The following CADM2 variants were observed in gnomAD, a reference collection of about 807,000 sequenced individuals.
CADM2 encodes the protein immunoglobulin superfamily member 4D.
CADM2 carries 12 observed loss-of-function variants against 49.8 expected under a neutral mutation model. That is an observed-to-expected ratio of 0.24 (90% CI 0.15 to 0.39). CADM2 has a LOEUF of 0.39. Ranked by LOEUF, CADM2 falls within the 10% of genes least tolerant of loss-of-function variation. CADM2 has a pLI of 1.00. For synonymous variants in CADM2, 214 were observed against 175.4 expected, an observed-to-expected ratio of 1.22 and a Z score of -1.74; for missense variants, 378 against 492.3, an observed-to-expected ratio of 0.77 and a Z score of 2.20.
intron 1 of CADM2, among the ~76,000 whole-genome samples, chr3:85,720,390 A>G (rs543267996): frequency 3.9e-5 from 6 of 152,304 alleles, no homozygotes; most frequent in Admixed American, 3.9e-4. Context: ...TTGCCTAAAT[A>G]TGAGTATTTG....
rs534621926 is a variant in CADM2 at position 85,797,091 on chromosome 3, TA to T, written c.89-4943del. Among the ~76,000 whole-genome samples the T allele has an allele frequency of 2.4e-3, 299 of 127,064 alleles. 3 individuals carry two copies. The highest frequency in any genetic ancestry group is 2.6e-3 in the Admixed American group (32 of 12,496). The allele number at this position is 127,064 out of a possible 152,430, so 83.4% of individuals were successfully genotyped here. On this transcript the variant is annotated intron_variant, in intron 2 of 9. Transcript: ENST00000383699. ...CCTGGCAAGAGAGCAAGAATCCATT[TA>T]AAAAAAAAAAAAGAAAAAGAAAAAA...
chr3:85,618,202 A>C (rs1253853848), intron 1 of CADM2, among the ~76,000 whole-genome samples: 2 of 152,190 alleles, frequency 1.3e-5, no homozygotes. Flanking sequence ...AACATTTCTT[A>C]CAGCCTCAAA....
chr3:85,835,314 CTTT>C (rs60077347), intron 3 of CADM2, among the ~76,000 whole-genome samples: 88 of 132,650 alleles, frequency 6.6e-4, no homozygotes, highest in African/African-American at 2.2e-3. Context: ...GTTTTAGCTT[CTTT>C]TTTTTTTTTT....
rs139768808 is a variant in CADM2 at position 85,699,105 on chromosome 3, T to TTAATCTCCAAAA, written c.62-27408_62-27397dup. 9.1e-4 allele frequency among the ~76,000 whole-genome samples: 138 copies of TTAATCTCCAAAA among 152,176 alleles called. No individual in the cohort carries two copies. The East Asian group carries it at 0.026, about 28-fold the overall frequency. On this transcript the variant is annotated intron_variant, in intron 1 of 9. Coordinates refer to ENST00000383699, the MANE Select transcript of CADM2 (RefSeq NM_001167675.2). ...AGCCTGGGAGGACAGTGATTAAACTTTAATCTCCAAAATAATCTCCTTTGA... is the reference window on the plus strand; with the variant it reads ...AGCCTGGGAGGACAGTGATTAAACTTTAATCTCCAAAATAATCTCCAAAATAATCTCCTTTGA...
At chr3:85,162,821 A>G (rs2040366722) in intron 1 of CADM2, among the ~76,000 whole-genome samples, 2 of 152,044 alleles carry the variant, frequency 1.3e-5, no homozygotes, top group South Asian at 4.1e-4. Context: ...TCTTATATAA[A>G]CCCTATGTTT....
At chr3:85,872,501 A>G (rs893648562) in intron 3 of CADM2, among the ~76,000 whole-genome samples, 2 of 151,600 alleles carry the variant, frequency 1.3e-5, no homozygotes, top group Non-Finnish European at 2.9e-5. Context: ...AGCCTTTATT[A>G]TACTCATTTA....
At chr3:85,952,609 ATTG>A (rs1211135119) in intron 7 of CADM2, among the ~76,000 whole-genome samples, 1 of 150,718 alleles carries the variant, frequency 6.6e-6, no homozygotes, top group Non-Finnish European at 1.5e-5. Context: ...TAGTCTTTAA[ATTG>A]TTGTTTTTCT....
At position 86,029,541 on chromosome 3, in the gene CADM2, AT is replaced by A. The variant is rs199974026; in HGVS notation, c.971-36055del. On this transcript the variant is annotated intron_variant, in intron 8 of 9. Transcript: ENST00000383699. ...ACTCCATATTTAAACAGTGATTTGC[AT>A]TTTTTTTTCTGAGTATTTTCGTGTC... Among the ~76,000 whole-genome samples, 1,043 of 151,020 alleles carry A rather than the reference AT, an allele frequency of 6.9e-3. 5 individuals are homozygous for A. Among genetic ancestry groups the A allele is most frequent in the Non-Finnish European group, 8.4e-3 (566 of 67,650 alleles).
intron 8 of CADM2, among the ~76,000 whole-genome samples, chr3:85,986,142 AG>A (rs1728083268): frequency 6.6e-6 from 1 of 152,078 alleles, no homozygotes; most frequent in Non-Finnish European, 1.5e-5. Context: ...TTATATCAAA[AG>A]AAATCAAGTC....
intron 3 of CADM2, among the ~76,000 whole-genome samples, chr3:85,861,930 A>C (rs969793568): frequency 6.6e-6 from 1 of 152,098 alleles, no homozygotes; most frequent in African/African-American, 2.4e-5. Flanking sequence ...ATTACCAAAA[A>C]CATGTATTCA....
intron 1 of CADM2, among the ~76,000 whole-genome samples, chr3:85,470,612 T>C (rs1412993542): frequency 6.6e-6 from 1 of 152,128 alleles, no homozygotes; most frequent in Admixed American, 6.6e-5. Context: ...TAAAATAAAA[T>C]TCTAGCAATT....
rs1320463969 is a variant in CADM2 at position 85,232,836 on chromosome 3, GT to G, written c.61+273169del. 2.0e-5 allele frequency among the ~76,000 whole-genome samples: 3 copies of G among 152,142 alleles called. No homozygotes were observed. The East Asian group carries it at 5.8e-4, about 29-fold the overall frequency. ...AGTCACTTTGTAAGACAGTTTGATT[GT>G]GTCTTACAAATCTAAACATAGGTTT... On this transcript the variant is annotated intron_variant, in intron 1 of 9. Coordinates refer to ENST00000383699, the MANE Select transcript of CADM2 (RefSeq NM_001167675.2).
At chr3:85,701,338 G>C (rs1312267558) in intron 1 of CADM2, among the ~76,000 whole-genome samples, 1 of 152,154 alleles carries the variant, frequency 6.6e-6, no homozygotes, top group African/African-American at 2.4e-5. Flanking sequence ...GATTTGGGTA[G>C]GGACACAGAT....
chr3:85,705,024 A>G (rs2066897994), intron 1 of CADM2, among the ~76,000 whole-genome samples: 1 of 136,986 alleles, frequency 7.3e-6, no homozygotes, highest in Non-Finnish European at 1.5e-5. Context: ...ACGCCTGGCT[A>G]AATTTTTTTT....
At chr3:86,036,290 T>C (rs1430820830) in intron 8 of CADM2, among the ~76,000 whole-genome samples, 1 of 152,154 alleles carries the variant, frequency 6.6e-6, no homozygotes, top group Non-Finnish European at 1.5e-5. Context: ...GCAGAATCTA[T>C]TGGTTCTTTT....
At chr3:85,667,197 A>G (rs2065595787) in intron 1 of CADM2, among the ~76,000 whole-genome samples, 1 of 152,022 alleles carries the variant, frequency 6.6e-6, no homozygotes, top group South Asian at 2.1e-4. Context: ...AATTCACACT[A>G]CATAATAGAA....
rs200706091 is a variant in CADM2, at chr3:86,067,117, G to GT, written c.*341dup. ...TTATACATTAAAAAATGTATGCAGA[G>GT]TTTTTTTCCCCCATTTTTTCCCCTT... On this transcript the variant is annotated 3_prime_UTR_variant, in exon 10 of 10. Transcript: ENST00000383699. The GT allele has an allele frequency of 8.1e-5, 16 of 197,052 alleles. No individual in the cohort carries two copies. The highest frequency in any genetic ancestry group is 1.2e-4 in the South Asian group (1 of 8,660). 12.2% of individuals were successfully genotyped at this position (197,052 alleles called of 1,614,324 possible).
chr3:85,384,671 A>ATGTGTG (rs372405205), intron 1 of CADM2, among the ~76,000 whole-genome samples: 10 of 148,552 alleles, frequency 6.7e-5, no homozygotes, highest in African/African-American at 2.5e-4. Context: ...GTCAAAAAAA[A>ATGTGTG]TGTGTGTGTG....
chr3:84,963,723 C>A (rs1276154402), intron 1 of CADM2, among the ~76,000 whole-genome samples: 1 of 152,166 alleles, frequency 6.6e-6, no homozygotes, highest in Non-Finnish European at 1.5e-5. Context: ...TCATGAACCT[C>A]ACCTTACATT....
Sources: allele counts gnomAD v4.1 joint callset (sites outside exome capture counted in the v4.1 genomes callset), GRCh38; gene constraint gnomAD v4.1.1; transcripts MANE v1.5; gene names NCBI Gene and HGNC (gene_info 2026-07-23, HGNC 2026-07-21).